The following GRIN3A variants were observed in gnomAD, a reference collection of about 807,000 sequenced individuals.
The protein encoded by GRIN3A is glutamate ionotropic receptor NMDA type subunit 3A, also known as glutamate receptor ionotropic, NMDA 3A.
In GRIN3A, 47 loss-of-function variants were observed where a neutral mutation model predicts 92.4. The ratio of observed to expected loss-of-function variants is 0.51; its 90% CI spans 0.40 to 0.65. The LOEUF (loss-of-function observed/expected upper bound fraction) is 0.65, where lower values mean the gene tolerates loss of function less well. Ranked by LOEUF, GRIN3A falls within the 30% of genes least tolerant of loss-of-function variation. The pLI, the probability that GRIN3A is intolerant of heterozygous loss-of-function variation, is 0.00. For synonymous variants in GRIN3A, 527 were observed against 540.6 expected, an observed-to-expected ratio of 0.97 and a Z score of 0.35; for missense variants, 1,324 against 1,393.1, an observed-to-expected ratio of 0.95 and a Z score of 0.79.
chr9:101,613,855 C>T (rs1588248676), intron 5 of GRIN3A, among the ~76,000 whole-genome samples: 1 of 152,224 alleles, frequency 6.6e-6, no homozygotes, highest in East Asian at 1.9e-4. Flanking sequence ...GATTTCCTAT[C>T]TACCTCTTCC....
chr9:101,644,363 T>C (rs775007826), intron 3 of GRIN3A, among the ~76,000 whole-genome samples: 5 of 151,404 alleles, frequency 3.3e-5, no homozygotes, highest in Non-Finnish European at 7.4e-5. Context: ...GAAACCGGAA[T>C]TGATGATGTT....
At chr9:101,729,010 C>A (rs764687268) in intron 1 of GRIN3A, among the ~76,000 whole-genome samples, 1 of 152,166 alleles carries the variant, frequency 6.6e-6, no homozygotes, top group African/African-American at 2.4e-5. Flanking sequence ...CTTGAATCCA[C>A]GTCCAGGTAG....
At chr9:101,594,319 G>A in intron 6 of GRIN3A, 17 of 1,468,950 alleles carry the variant, frequency 1.2e-5, no homozygotes, top group Non-Finnish European at 1.6e-5. Context: ...TTCCAGATAA[G>A]TCAGAGAGAC....
chr9:101,679,249 AT>A (rs1829438672), intron 2 of GRIN3A, among the ~76,000 whole-genome samples: 1 of 152,192 alleles, frequency 6.6e-6, no homozygotes, highest in Non-Finnish European at 1.5e-5. Flanking sequence ...TTTTTGGCAG[AT>A]TTCCAGATTT....
intron 2 of GRIN3A, 100 bp from the exon 3 acceptor site, chr9:101,671,207 C>T (rs529061392): frequency 7.0e-6 from 6 of 857,276 alleles, no homozygotes; most frequent in South Asian, 2.7e-5. Flanking sequence ...AAAATAAATT[C>T]GAATTTTTAT....
At chr9:101,632,499 T>C (rs1206726225) in intron 3 of GRIN3A, among the ~76,000 whole-genome samples, 6 of 152,160 alleles carry the variant, frequency 3.9e-5, no homozygotes, top group Non-Finnish European at 8.8e-5. Flanking sequence ...TGAATTGTCA[T>C]CATTATTAAG....
intron 1 of GRIN3A, among the ~76,000 whole-genome samples, chr9:101,697,819 G>T (rs545659674): frequency 6.0e-4 from 92 of 152,218 alleles, no homozygotes; most frequent in African/African-American, 2.1e-3. Flanking sequence ...TATTATAAAG[G>T]TTAATAATTT....
Position 101,573,298 on chromosome 9 carries a change from A to G in GRIN3A, c.3224T>C (p.Val1075Ala), listed in dbSNP as rs1332149651. The G allele has an allele frequency of 2.5e-6, 4 of 1,613,796 alleles. No individual in the cohort carries two copies. The highest frequency in any genetic ancestry group is 3.4e-6 in the Non-Finnish European group (4 of 1,179,954). Residue 1075 changes from valine to alanine, a missense_variant, in exon 9 of 9, where the codon GTG becomes GCG. By Grantham distance (64) the Val-to-Ala change is moderately conservative. Coordinates refer to ENST00000361820, the MANE Select transcript of GRIN3A (RefSeq NM_133445.3). ...ADSLNVSRNS[V>A]MQELSELEKQ... ...CTCGAGCTCTGAGAGTTCCTGCATCACTGAGTTCCGAGATACATTTAGGGA... is the reference window on the plus strand; with the variant it reads ...CTCGAGCTCTGAGAGTTCCTGCATCGCTGAGTTCCGAGATACATTTAGGGA...
At chr9:101,593,641 C>T (rs1384133793) in intron 6 of GRIN3A, 1 of 152,240 alleles carries the variant, frequency 6.6e-6, no homozygotes, top group African/African-American at 2.4e-5. Context: ...GCTGGAGGTC[C>T]CCTTCATTGA....
At position 101,700,277 on chromosome 9, in the gene GRIN3A, A is replaced by T. The variant is rs192562341; in HGVS notation, c.700-13077T>A. On this transcript the variant is annotated intron_variant, in intron 1 of 8. Coordinates refer to ENST00000361820, the MANE Select transcript of GRIN3A (RefSeq NM_133445.3). ...GTTTAGATTTACAGGAAGAAGGCTG[A>T]CCTTTGGCTGAAGAGTATGTCTATT... Among the ~76,000 whole-genome samples, 765 of 152,316 alleles carry T rather than the reference A, an allele frequency of 5.0e-3. 8 individuals carry two copies. Among genetic ancestry groups the T allele is most frequent in the African/African-American group, 0.017 (720 of 41,576 alleles).
intron 1 of GRIN3A, among the ~76,000 whole-genome samples, chr9:101,691,787 T>C (rs1382405402): frequency 6.6e-6 from 1 of 152,210 alleles, no homozygotes; most frequent in African/African-American, 2.4e-5. Flanking sequence ...CTGTCCTCTT[T>C]TGAGAAGCAG....
chr9:101,656,517 AT>A (rs1361811786), intron 3 of GRIN3A, among the ~76,000 whole-genome samples: 1 of 151,910 alleles, frequency 6.6e-6, no homozygotes, highest in African/African-American at 2.4e-5. Context: ...TAGTGATCTG[AT>A]GTTGGATCAT....
At chr9:101,625,845 G>T (rs1828627982) in intron 4 of GRIN3A, among the ~76,000 whole-genome samples, 1 of 152,186 alleles carries the variant, frequency 6.6e-6, no homozygotes, top group South Asian at 2.1e-4. Context: ...GTTATCACTT[G>T]CCAATATTCC....
chr9:101,600,964 A>G (rs931299209), intron 6 of GRIN3A: 1 of 152,258 alleles, frequency 6.6e-6, no homozygotes, highest in African/African-American at 2.4e-5. Context: ...TTGAGGCATT[A>G]AAGAATTATA....
At chr9:101,627,675 A>C (rs951506714) in intron 4 of GRIN3A, among the ~76,000 whole-genome samples, 1 of 152,224 alleles carries the variant, frequency 6.6e-6, no homozygotes, top group Non-Finnish European at 1.5e-5. Context: ...ATTCAACTTC[A>C]TTGAATTACA....
chr9:101,714,744 C>A (rs1829922431), intron 1 of GRIN3A, among the ~76,000 whole-genome samples: 1 of 152,060 alleles, frequency 6.6e-6, no homozygotes. Flanking sequence ...AAAAAAATGT[C>A]AATTTGATGG....
chr9:101,631,330 A>G (rs948820739), intron 3 of GRIN3A, among the ~76,000 whole-genome samples: 4 of 152,226 alleles, frequency 2.6e-5, no homozygotes, highest in Admixed American at 2.0e-4. Context: ...AGCTAACAGT[A>G]TAGCTTACAA....
At chr9:101,626,953 G>A (rs1828641424) in intron 4 of GRIN3A, among the ~76,000 whole-genome samples, 1 of 152,202 alleles carries the variant, frequency 6.6e-6, no homozygotes, top group Non-Finnish European at 1.5e-5. Flanking sequence ...GCCTTCTCAG[G>A]TAAAGCTCCT....
chr9:101,675,473 C>T (rs898329144), intron 2 of GRIN3A, among the ~76,000 whole-genome samples: 1 of 151,938 alleles, frequency 6.6e-6, no homozygotes, highest in Non-Finnish European at 1.5e-5. Flanking sequence ...ATGAGCAACA[C>T]ATCACACATT....
Sources: allele counts gnomAD v4.1 joint callset (sites outside exome capture counted in the v4.1 genomes callset), GRCh38; gene constraint gnomAD v4.1.1; transcripts MANE v1.5; gene names NCBI Gene and HGNC (gene_info 2026-07-23, HGNC 2026-07-21).